HYCC1: variants seen among roughly 807,000 people sequenced by gnomAD.
The protein encoded by HYCC1 is hyccin PI4KA lipid kinase complex subunit 1.
chr7:22,993,220 T>C, the HYCC1 span, among the ~76,000 whole-genome samples: 1 of 152,170 alleles, frequency 6.6e-6, no homozygotes, highest in Admixed American at 6.6e-5. Flanking sequence ...CTAGAGATCA[T>C]GCTGTATGCA....
the HYCC1 span, among the ~76,000 whole-genome samples, chr7:22,899,742 T>G: frequency 7.9e-5 from 12 of 152,374 alleles, no homozygotes; most frequent in South Asian, 2.5e-3. Context: ...AAAATACTAC[T>G]TAGGCTTTTA....
the HYCC1 span, among the ~76,000 whole-genome samples, chr7:22,950,969 GAT>G: frequency 6.6e-6 from 1 of 151,140 alleles, no homozygotes; most frequent in African/African-American, 2.4e-5. Flanking sequence ...AACTTCTCAG[GAT>G]ATATTTTATT....
the HYCC1 span, among the ~76,000 whole-genome samples, chr7:22,959,396 G>T: frequency 9.2e-5 from 14 of 152,060 alleles, no homozygotes; most frequent in South Asian, 2.9e-3. Context: ...ATACCAAAAG[G>T]AACTATTATT....
At chr7:22,907,635 T>C in the HYCC1 span, among the ~76,000 whole-genome samples, 2,433 of 152,244 alleles carry the variant, frequency 0.016, 68 homozygotes, top group African/African-American at 0.055. Context: ...TTCAGCTGGG[T>C]GCGGGGGCCC....
the HYCC1 span, among the ~76,000 whole-genome samples, chr7:22,922,738 C>T: frequency 7.9e-5 from 12 of 152,108 alleles, no homozygotes; most frequent in South Asian, 2.3e-3. Flanking sequence ...GTCATGCAAA[C>T]AGCAAACATA....
the HYCC1 span, among the ~76,000 whole-genome samples, chr7:22,985,326 T>G: frequency 2.6e-5 from 4 of 152,200 alleles, no homozygotes; most frequent in Non-Finnish European, 4.4e-5. Context: ...GTGAGCTCCT[T>G]GAGGGCAAGA....
chr7:22,950,141 T>A, the HYCC1 span, among the ~76,000 whole-genome samples: 667 of 152,190 alleles, frequency 4.4e-3, 2 homozygotes, highest in African/African-American at 0.014. Context: ...CTGTCCTGGC[T>A]GCTGTCTTCT....
the HYCC1 span, among the ~76,000 whole-genome samples, chr7:22,964,025 G>T: frequency 2.0e-5 from 3 of 151,758 alleles, no homozygotes; most frequent in African/African-American, 7.3e-5. Flanking sequence ...AATCAAAGAG[G>T]CTCTGAAATT....
the HYCC1 span, among the ~76,000 whole-genome samples, chr7:22,996,292 CAA>C: frequency 2.2e-4 from 12 of 55,586 alleles, no homozygotes; most frequent in Non-Finnish European, 2.2e-4. Flanking sequence ...GACTCCGTCT[CAA>C]AAAAAAAAAA....
At chr7:22,930,406 GA>G in the HYCC1 span, among the ~76,000 whole-genome samples, 5 of 129,482 alleles carry the variant, frequency 3.9e-5, no homozygotes, top group African/African-American at 9.0e-5. Context: ...AAAAAAAAAA[GA>G]AAAGAAAGAA....
the HYCC1 span, among the ~76,000 whole-genome samples, chr7:22,919,388 G>A: frequency 9.9e-5 from 15 of 152,090 alleles, no homozygotes; most frequent in Admixed American, 7.2e-4. Flanking sequence ...AATTACCCAG[G>A]TGTGGTGGCA....
At chr7:22,915,244 G>T in the HYCC1 span, among the ~76,000 whole-genome samples, 54 of 152,190 alleles carry the variant, frequency 3.5e-4, no homozygotes, top group Non-Finnish European at 1.6e-4. Flanking sequence ...CGCCTTCAAG[G>T]TGTACAATAA....
chr7:22,966,043 T>C, the HYCC1 span, among the ~76,000 whole-genome samples: 39 of 152,160 alleles, frequency 2.6e-4, no homozygotes, highest in African/African-American at 9.2e-4. Context: ...GAGAATACTA[T>C]AGAAACTAAA....
chr7:22,932,762 G>T, the HYCC1 span, among the ~76,000 whole-genome samples: 1 of 152,140 alleles, frequency 6.6e-6, no homozygotes, highest in Non-Finnish European at 1.5e-5. Context: ...GAATTTTGGG[G>T]AGTCACAGGG....
the HYCC1 span, among the ~76,000 whole-genome samples, chr7:22,908,289 A>G: frequency 1.7e-4 from 26 of 152,336 alleles, no homozygotes; most frequent in African/African-American, 6.3e-4. Context: ...CCTGGTACCC[A>G]TAGATTCCTT....
At chr7:22,947,357 T>A in the HYCC1 span, 1 of 804,682 alleles carries the variant, frequency 1.2e-6, no homozygotes, top group Non-Finnish European at 2.0e-6. Context: ...TGTTATGAAT[T>A]AAGCCAAATA....
chr7:22,937,954 T>C, the HYCC1 span: 1 of 152,208 alleles, frequency 6.6e-6, no homozygotes, highest in East Asian at 1.9e-4. Flanking sequence ...GCCGTACTTA[T>C]GACCTGTCAA....
the HYCC1 span, among the ~76,000 whole-genome samples, chr7:22,908,234 T>C: frequency 6.6e-6 from 1 of 152,212 alleles, no homozygotes; most frequent in African/African-American, 2.4e-5. Flanking sequence ...ACAAATTTCT[T>C]TTGGAAGACG....
the HYCC1 span, among the ~76,000 whole-genome samples, chr7:22,915,841 AT>A: frequency 5.6e-4 from 85 of 152,202 alleles, no homozygotes; most frequent in Admixed American, 2.8e-3. Flanking sequence ...CTTTTTAGTT[AT>A]CCCCACCTGC....
Sources: gnomAD v4.1 joint callset for allele counts (sites outside exome capture counted in the v4.1 genomes callset) on GRCh38, gnomAD v4.1.1 for gene constraint, MANE v1.5 for transcripts, NCBI Gene and HGNC (gene_info 2026-07-23, HGNC 2026-07-21) for gene names.